The following NEGR1 variants were observed in gnomAD, a reference collection of about 807,000 sequenced individuals.
NEGR1 encodes neuronal growth regulator 1.
In NEGR1, 10 loss-of-function variants were observed where a neutral mutation model predicts 40.9. The observed-to-expected ratio is 0.24, with a 90% CI of 0.15 to 0.42. The LOEUF is 0.42. Among genes scored for constraint, NEGR1 ranks in the 10% least tolerant of loss-of-function variants. The pLI, the probability that NEGR1 is intolerant of heterozygous loss-of-function variation, is 1.00. For synonymous variants in NEGR1, 185 were observed against 166.8 expected, an observed-to-expected ratio of 1.11 and a Z score of -0.84; for missense variants, 352 against 438.9, an observed-to-expected ratio of 0.80 and a Z score of 1.77.
intron 2 of NEGR1, among the ~76,000 whole-genome samples, chr1:71,894,788 GT>G (rs1660920366): frequency 6.6e-6 from 1 of 152,166 alleles, no homozygotes; most frequent in Non-Finnish European, 1.5e-5. Flanking sequence ...CATGCCTGTA[GT>G]TTAAGCCACT....
chr1:71,879,101 C>A (rs1660512437), intron 2 of NEGR1, among the ~76,000 whole-genome samples: 2 of 150,802 alleles, frequency 1.3e-5, no homozygotes. Flanking sequence ...CCATTGCACT[C>A]CAGCCTGGGA....
chr1:71,436,918 G>T (rs1315753193), intron 6 of NEGR1, among the ~76,000 whole-genome samples: 2 of 152,120 alleles, frequency 1.3e-5, no homozygotes, highest in Admixed American at 1.3e-4. Context: ...AAGGCTTCTA[G>T]CCAATAGTAG....
At chr1:71,584,314 A>G (rs1328137824) in intron 6 of NEGR1, among the ~76,000 whole-genome samples, 1 of 152,138 alleles carries the variant, frequency 6.6e-6, no homozygotes, top group African/African-American at 2.4e-5. Context: ...CTGAAATATT[A>G]TTGCTTTCAC....
intron 6 of NEGR1, among the ~76,000 whole-genome samples, chr1:71,412,708 A>AT (rs970954580): frequency 1.6e-4 from 24 of 151,954 alleles, no homozygotes; most frequent in Non-Finnish European, 2.5e-4. Context: ...TACCTGCTTA[A>AT]TTTTTTTTGA....
At chr1:71,488,874 A>G (rs562351049) in intron 6 of NEGR1, among the ~76,000 whole-genome samples, 2 of 151,932 alleles carry the variant, frequency 1.3e-5, no homozygotes, top group Non-Finnish European at 2.9e-5. Flanking sequence ...ATGGTGTGGT[A>G]TAATTGAAAA....
At chr1:72,194,640 A>G (rs1570105994) in intron 1 of NEGR1, among the ~76,000 whole-genome samples, 1 of 152,200 alleles carries the variant, frequency 6.6e-6, no homozygotes, top group South Asian at 2.1e-4. Context: ...AGATGATGAT[A>G]CCATGAAAGC....
chr1:71,786,153 G>A (rs1479398610), intron 2 of NEGR1, among the ~76,000 whole-genome samples: 1 of 152,048 alleles, frequency 6.6e-6, no homozygotes, highest in Non-Finnish European at 1.5e-5. Flanking sequence ...AGCATATTAG[G>A]TTGTAATATC....
At chr1:71,666,949 C>A (rs919602855) in intron 4 of NEGR1, among the ~76,000 whole-genome samples, 29 of 152,260 alleles carry the variant, frequency 1.9e-4, no homozygotes, top group Non-Finnish European at 3.5e-4. Flanking sequence ...CAGTTTTCTG[C>A]AAGCATCTAT....
At chr1:71,980,521 A>T (rs1369731233) in intron 1 of NEGR1, among the ~76,000 whole-genome samples, 2 of 152,144 alleles carry the variant, frequency 1.3e-5, no homozygotes, top group Non-Finnish European at 2.9e-5. Context: ...CAGATGAGAA[A>T]CATCTCCCTA....
At chr1:71,988,243 A>C (rs148928484) in intron 1 of NEGR1, among the ~76,000 whole-genome samples, 14 of 152,316 alleles carry the variant, frequency 9.2e-5, no homozygotes, top group Middle Eastern at 3.4e-3. Flanking sequence ...TCCATGTAAA[A>C]GGGAGGAAGA....
chr1:72,103,773 C>T (rs1649030338), intron 1 of NEGR1, among the ~76,000 whole-genome samples: 1 of 151,936 alleles, frequency 6.6e-6, no homozygotes, highest in Admixed American at 6.6e-5. Context: ...AGAGTCTGAT[C>T]CATCCCTAGT....
At chr1:72,175,668 TAA>T (rs1209416187) in intron 1 of NEGR1, among the ~76,000 whole-genome samples, 2 of 151,638 alleles carry the variant, frequency 1.3e-5, no homozygotes, top group Non-Finnish European at 2.9e-5. Flanking sequence ...AGCATGTGTT[TAA>T]ACTAGGGGTA....
chr1:72,090,091 C>T (rs567366713), intron 1 of NEGR1, among the ~76,000 whole-genome samples: 84 of 152,052 alleles, frequency 5.5e-4, no homozygotes, highest in Non-Finnish European at 9.6e-4. Flanking sequence ...CTCCAAATAA[C>T]TAGTTCACAT....
intron 6 of NEGR1, among the ~76,000 whole-genome samples, chr1:71,483,167 C>T (rs908319799): frequency 2.0e-5 from 3 of 151,374 alleles, no homozygotes; most frequent in Middle Eastern, 3.4e-3. Flanking sequence ...AGACAGAGTC[C>T]ACCAGGCATT....
At chr1:71,733,068 A>T (rs961526897) in intron 3 of NEGR1, among the ~76,000 whole-genome samples, 3 of 145,498 alleles carry the variant, frequency 2.1e-5, no homozygotes, top group Non-Finnish European at 4.4e-5. Context: ...GTCACAGGAT[A>T]GCTCTTTTTT....
At chr1:71,899,708 C>T (rs1661094049) in intron 2 of NEGR1, among the ~76,000 whole-genome samples, 1 of 152,036 alleles carries the variant, frequency 6.6e-6, no homozygotes, top group Non-Finnish European at 1.5e-5. Flanking sequence ...CAAAAGTCTT[C>T]TTATTTATAG....
intron 3 of NEGR1, among the ~76,000 whole-genome samples, chr1:71,706,781 C>A (rs964690726): frequency 5.9e-5 from 9 of 151,716 alleles, no homozygotes; most frequent in African/African-American, 2.2e-4. Flanking sequence ...AGGAAAGGAC[C>A]CAATCCTGCC....
chr1:71,457,944 C>T (rs749712502), intron 6 of NEGR1, among the ~76,000 whole-genome samples: 11 of 152,194 alleles, frequency 7.2e-5, no homozygotes, highest in East Asian at 3.9e-4. Flanking sequence ...CCTCGTGATC[C>T]GCCCACCTTG....
rs186844633 is a variant in NEGR1 at position 71,593,551 on chromosome 1, G to A, written c.789-583C>T. ...TATAGTATTGGAGATAGCATTTAAA[G>A]TTGAGTCCCATCACTGTCACATTTT... is the stretch of plus-strand genomic sequence containing the variant. On this transcript the variant is annotated intron_variant, in intron 5 of 6. Coordinates refer to ENST00000357731, the MANE Select transcript of NEGR1 (RefSeq NM_173808.3). Among the ~76,000 whole-genome samples, 5 of 152,262 alleles carry A rather than the reference G, an allele frequency of 3.3e-5. No individual in the cohort carries two copies. In the East Asian group the frequency reaches 9.7e-4, roughly 29 times the overall value.
Sources: allele counts gnomAD v4.1 joint callset (sites outside exome capture counted in the v4.1 genomes callset), GRCh38; gene constraint gnomAD v4.1.1; transcripts MANE v1.5; gene names NCBI Gene and HGNC (gene_info 2026-07-23, HGNC 2026-07-21).